ABCC2: variants seen among roughly 807,000 people sequenced by gnomAD.
ABCC2 encodes the protein ATP binding cassette subfamily C member 2.
ABCC2 carries 157 observed loss-of-function variants against 173.4 expected under a neutral mutation model. The ratio of observed to expected loss-of-function variants is 0.91; its 90% CI spans 0.80 to 1.03. ABCC2 has a LOEUF of 1.03. Among genes scored for constraint, ABCC2 ranks in the 50% least tolerant of loss-of-function variants. The pLI is 0.00. For synonymous variants in ABCC2, 657 were observed against 693.5 expected, an observed-to-expected ratio of 0.95 and a Z score of 0.83; for missense variants, 1,822 against 1,852.3, an observed-to-expected ratio of 0.98 and a Z score of 0.30.
intron 22 of ABCC2, 25 bp from the exon 23 acceptor site, chr10:99,831,952 C>T: frequency 6.8e-6 from 11 of 1,614,196 alleles, no homozygotes; most frequent in Non-Finnish European, 8.5e-6. Context: ...GTGCATGGTG[C>T]TGACAAAACT....
Position 99,807,506 on chromosome 10 carries a change from G to GT in ABCC2, c.1655dup (p.Leu552PhefsTer19), listed in dbSNP as rs1454680088. 6.2e-7 allele frequency: 1 copy of GT among 1,614,134 alleles called. No individual in the cohort carries two copies. Among genetic ancestry groups the GT allele is most frequent in the Admixed American group, 1.7e-5 (1 of 60,012 alleles). ...AGTGTGTAGTAATATTCGTCTTCCAGTTAACTCCAGTCCTGGTGAGTAGCA... is the reference window on the plus strand; with the variant it reads ...AGTGTGTAGTAATATTCGTCTTCCAGTTTAACTCCAGTCCTGGTGAGTAGCA... On this transcript the variant is annotated frameshift_variant, in exon 12 of 32. Coordinates refer to ENST00000647814, the MANE Select transcript of ABCC2 (RefSeq NM_000392.5). LOFTEE classifies it high-confidence loss of function.
intron 31 of ABCC2, among the ~76,000 whole-genome samples, chr10:99,851,273 A>T (rs1466664126): frequency 6.6e-6 from 1 of 151,866 alleles, no homozygotes; most frequent in Non-Finnish European, 1.5e-5. Context: ...TCTTTTAAAA[A>T]CTCATGTAAA....
At chr10:99,813,282 C>A in intron 16 of ABCC2, 138 bp downstream of exon 16, 2 of 1,209,398 alleles carry the variant, frequency 1.7e-6, no homozygotes, top group African/African-American at 1.5e-5. Context: ...GACTGTGATT[C>A]TCCTTCCCAT....
At chr10:99,844,659 A>T (rs1268717663) in intron 28 of ABCC2, among the ~76,000 whole-genome samples, 194 bp downstream of exon 28, 2 of 152,172 alleles carry the variant, frequency 1.3e-5, no homozygotes, top group African/African-American at 4.8e-5. Flanking sequence ...ACACAGACTT[A>T]CCGCAGCTGT....
intron 2 of ABCC2, among the ~76,000 whole-genome samples, chr10:99,790,221 A>G (rs2037789859): frequency 6.6e-6 from 1 of 152,170 alleles, no homozygotes; most frequent in Non-Finnish European, 1.5e-5. Context: ...TTTGTATCAC[A>G]TTTTTTGATG....
intron 19 of ABCC2, among the ~76,000 whole-genome samples, chr10:99,821,310 T>C (rs894217798): frequency 1.3e-5 from 2 of 152,176 alleles, no homozygotes; most frequent in African/African-American, 2.4e-5. Context: ...GGGCAGGAGA[T>C]AGATGCCTTC....
At chr10:99,820,345 C>T (rs1284714090) in intron 19 of ABCC2, among the ~76,000 whole-genome samples, 3 of 151,978 alleles carry the variant, frequency 2.0e-5, no homozygotes, top group Non-Finnish European at 4.4e-5. Context: ...GAGCTGAGAT[C>T]GTGCCATTGC....
intron 16 of ABCC2, among the ~76,000 whole-genome samples, chr10:99,815,996 T>C (rs772048209): frequency 6.3e-4 from 91 of 144,406 alleles, no homozygotes; most frequent in Non-Finnish European, 1.2e-3. Context: ...TGAGACGGAG[T>C]CTCAGTCTGT....
chr10:99,782,782 A>G lies in ABCC2; in HGVS notation c.-63A>G. 1.3e-6 allele frequency: 2 copies of G among 1,563,656 alleles called. No homozygotes were observed. Among genetic ancestry groups the G allele is most frequent in the South Asian group, 1.1e-5 (1 of 89,996 alleles). ...TTCCACTTTCTTTGATGAAACAAGT[A>G]AAGAAGAAACAACACAATCATATTA... On this transcript the variant is annotated 5_prime_UTR_variant, in exon 1 of 32. Transcript: ENST00000647814.
intron 16 of ABCC2, among the ~76,000 whole-genome samples, chr10:99,815,509 T>C (rs530292968): frequency 6.6e-6 from 1 of 152,236 alleles, no homozygotes; most frequent in South Asian, 2.1e-4. Context: ...TATGCTTTTT[T>C]TTTTAACGGA....
Position 99,799,361 on chromosome 10 carries a change from A to G in ABCC2, c.1022A>G (p.Gln341Arg), listed in dbSNP as rs1210063784. The change falls in exon 8 of 32, where the codon CAG becomes CGG. Residue 341 changes from glutamine to arginine, a missense_variant. Physicochemically the swap from Gln to Arg is conservative, Grantham distance 43 (BLOSUM62 1). Coordinates refer to ENST00000647814, the MANE Select transcript of ABCC2 (RefSeq NM_000392.5). Reference protein sequence around the residue: ...VNDIFTFVSPQLLKLLISFAS... With the variant: ...VNDIFTFVSPRLLKLLISFAS... Reference sequence around the variant, plus strand: ...GACATCTTCACGTTTGTGAGTCCTCAGCTGCTGAAGTGAGTCTCCAGGCCT... The same window carrying G: ...GACATCTTCACGTTTGTGAGTCCTCGGCTGCTGAAGTGAGTCTCCAGGCCT... 6.2e-7 allele frequency: 1 copy of G among 1,614,022 alleles called. No homozygotes were observed. The highest frequency in any genetic ancestry group is 8.5e-7 in the Non-Finnish European group (1 of 1,180,026).
rs3740064 is a variant in ABCC2 at position 99,846,926 on chromosome 10, G to A, written c.4147-35G>A. 0.049 allele frequency: 79,219 copies of A among 1,613,612 alleles called. 2,741 individuals are homozygous for A. The highest frequency in any genetic ancestry group is 0.18 in the African/African-American group (13,238 of 74,994). On this transcript the variant is annotated intron_variant, in intron 29 of 31. Transcript: ENST00000647814. ...GAACTCCGAGGTCCTTTTCTGGCAT[G>A]AGCCCCAACAGCCCCCTTGTCCTTT...
intron 19 of ABCC2, among the ~76,000 whole-genome samples, chr10:99,825,628 C>A (rs372162623): frequency 6.6e-6 from 1 of 152,214 alleles, no homozygotes; most frequent in African/African-American, 2.4e-5. Flanking sequence ...AGCTAATAAC[C>A]AACTGAATTT....
rs1005455893 is a variant in ABCC2, at chr10:99,793,876, G to C, written c.469-16G>C. 6.2e-6 allele frequency: 10 copies of C among 1,606,810 alleles called. No homozygotes were observed. The highest frequency in any genetic ancestry group is 8.5e-6 in the Non-Finnish European group (10 of 1,173,562). ...GACAAAAGGCTCATTTTTCCTCTTT[G>C]TTTTTTTCCTCATAGGGTGACAATT... On this transcript the variant is annotated splice_polypyrimidine_tract_variant and intron_variant, in intron 4 of 31. Coordinates refer to ENST00000647814, the MANE Select transcript of ABCC2 (RefSeq NM_000392.5).
At chr10:99,828,076 T>C (rs1474865973) in intron 19 of ABCC2, among the ~76,000 whole-genome samples, 2 of 149,650 alleles carry the variant, frequency 1.3e-5, no homozygotes, top group African/African-American at 2.5e-5. Flanking sequence ...CACATCACCA[T>C]GGTTACCGTA....
At chr10:99,825,832 G>A (rs546030270) in intron 19 of ABCC2, among the ~76,000 whole-genome samples, 12 of 152,286 alleles carry the variant, frequency 7.9e-5, no homozygotes, top group Non-Finnish European at 1.2e-4. Flanking sequence ...CTGCACTGCC[G>A]CTCGTGGCGG....
chr10:99,783,854 A>T (rs2037659780), intron 1 of ABCC2, among the ~76,000 whole-genome samples: 1 of 152,152 alleles, frequency 6.6e-6, no homozygotes, highest in South Asian at 2.1e-4. Flanking sequence ...ACTACCTGAC[A>T]AACTTTCTTG....
At position 99,793,730 on chromosome 10, in the gene ABCC2, A is replaced by G. The variant is rs1213829033; in HGVS notation, c.468+45A>G. On this transcript the variant is annotated intron_variant, in intron 4 of 31. Coordinates refer to ENST00000647814, the MANE Select transcript of ABCC2 (RefSeq NM_000392.5). ...ATGACATGAGGAGGTACCATGGGGC[A>G]ACCTCTAACTCATAGTAAATGGCAT... 7 of 1,612,500 alleles carry G rather than the reference A, an allele frequency of 4.3e-6. No individual in the cohort carries two copies. In the Admixed American group the frequency reaches 1.2e-4, roughly 27 times the overall value.
intron 26 of ABCC2, among the ~76,000 whole-genome samples, chr10:99,842,542 G>T (rs905298119): frequency 2.0e-5 from 3 of 152,124 alleles, no homozygotes; most frequent in African/African-American, 7.2e-5. Context: ...TATAGAATGT[G>T]TCTCACTGCA....
Sources: gnomAD v4.1 joint callset for allele counts (sites outside exome capture counted in the v4.1 genomes callset) on GRCh38, gnomAD v4.1.1 for gene constraint, MANE v1.5 for transcripts, NCBI Gene and HGNC (gene_info 2026-07-23, HGNC 2026-07-21) for gene names.